The following DENND2B variants were observed in gnomAD, a reference collection of about 807,000 sequenced individuals.
The protein encoded by DENND2B is DENN domain-containing protein 2B.
Under a neutral mutation model 116.0 loss-of-function variants are expected in DENND2B, and 32 were observed. The observed-to-expected ratio is 0.28, with a 90% CI of 0.21 to 0.37. The LOEUF (loss-of-function observed/expected upper bound fraction) is 0.37. Ranked by LOEUF, DENND2B falls within the 10% of genes least tolerant of loss-of-function variation. The probability of loss-of-function intolerance (pLI) is 1.00; values close to 1 mark genes in which losing one functional copy is unlikely to be tolerated. For missense variants in DENND2B, 1,276 were observed against 1,477.7 expected (o/e 0.86, Z 2.24); for synonymous variants, 588 against 583.9 (o/e 1.01, Z -0.10).
upstream of DENND2B, chr11:8,811,359 T>A (rs1311722418): frequency 2.5e-6 from 1 of 398,446 alleles, no homozygotes; most frequent in Non-Finnish European, 4.4e-6. Flanking sequence ...CAAAGACAAC[T>A]CGGTCAGGAC....
In DENND2B at chr11:8,834,106, C is replaced by T. The variant is rs149530279; in HGVS notation, c.-115+5204G>A. 7.2e-4 allele frequency among the ~76,000 whole-genome samples: 109 copies of T among 152,276 alleles called. 2 individuals are homozygous for T. The East Asian group carries it at 0.017, about 24-fold the overall frequency. Reference sequence around the variant, plus strand: ...CAGCTGTGACTGTACTTCTTTGGAACGGGATGACACATGCTGATCCCCAAG... The same window carrying T: ...CAGCTGTGACTGTACTTCTTTGGAATGGGATGACACATGCTGATCCCCAAG... On this transcript the variant is annotated intron_variant, in intron 4 of 6. Transcript: ENST00000524757.
intron 2 of DENND2B, among the ~76,000 whole-genome samples, chr11:8,738,794 G>T (rs2049609493): frequency 6.6e-6 from 1 of 152,144 alleles, no homozygotes; most frequent in African/African-American, 2.4e-5. Flanking sequence ...CCCATGAGCT[G>T]GTCCCTGCCT....
intron 3 of DENND2B, among the ~76,000 whole-genome samples, chr11:8,842,735 T>C (rs192222314): frequency 3.9e-5 from 6 of 152,182 alleles, no homozygotes; most frequent in Non-Finnish European, 7.3e-5. Flanking sequence ...TAAAGTCTTA[T>C]TTCACTTATT....
chr11:8,858,414 T>C (rs1220661491), intron 2 of DENND2B, among the ~76,000 whole-genome samples: 1 of 152,002 alleles, frequency 6.6e-6, no homozygotes, highest in East Asian at 1.9e-4. Context: ...CAGTTTTACA[T>C]AGGATGGGCA....
At chr11:8,836,375 A>T (rs2062425642) in intron 4 of DENND2B, among the ~76,000 whole-genome samples, 2 of 148,856 alleles carry the variant, frequency 1.3e-5, no homozygotes, top group South Asian at 4.3e-4. Flanking sequence ...CCTCATCCTC[A>T]TCACTAACCC....
At chr11:8,708,246 G>A (rs775301559) in intron 11 of DENND2B, 9 of 985,342 alleles carry the variant, frequency 9.1e-6, no homozygotes, top group Admixed American at 6.1e-5. Flanking sequence ...CTTAGGACAA[G>A]CCATTGTAGC....
chr11:8,713,192 G>T (rs1301145142), intron 8 of DENND2B, among the ~76,000 whole-genome samples: 1 of 152,186 alleles, frequency 6.6e-6, no homozygotes, highest in African/African-American at 2.4e-5. Context: ...TTTCCCAGTA[G>T]AGAAAGCACA....
chr11:8,746,655 A>G (rs539153167), intron 2 of DENND2B, among the ~76,000 whole-genome samples: 2 of 152,342 alleles, frequency 1.3e-5, no homozygotes, highest in South Asian at 4.1e-4. Flanking sequence ...AATTGTATCC[A>G]GATTGGCAGA....
At chr11:8,754,533 T>G (rs1371465136) in intron 1 of DENND2B, among the ~76,000 whole-genome samples, 1 of 152,212 alleles carries the variant, frequency 6.6e-6, no homozygotes, top group Non-Finnish European at 1.5e-5. Flanking sequence ...AAAGTTATAC[T>G]CAGAGTTACC....
Position 8,797,393 on chromosome 11 carries a change from C to T in DENND2B, c.-26+13124G>A, listed in dbSNP as rs1334355897. Among the ~76,000 whole-genome samples, 6 of 152,164 alleles carry T rather than the reference C, an allele frequency of 3.9e-5. No homozygotes were observed. In the East Asian group the frequency reaches 1.2e-3, roughly 29 times the overall value. ...TTAGCTAAGCAGGTATGTCTATGCC[C>T]ACTTCAGATCCCTTCTGTTTCCTCA... On this transcript the variant is annotated intron_variant, in intron 1 of 19. Coordinates refer to ENST00000313726, the MANE Select transcript of DENND2B (RefSeq NM_213618.2).
chr11:8,821,142 A>ATTAAT (rs1186078690), intron 4 of DENND2B, among the ~76,000 whole-genome samples: 10 of 150,968 alleles, frequency 6.6e-5, no homozygotes, highest in Non-Finnish European at 1.0e-4. Context: ...AAATTAATTA[A>ATTAAT]TTAATTTAAT....
At chr11:8,897,060 G>A (rs1026258859) in intron 1 of DENND2B, among the ~76,000 whole-genome samples, 4 of 151,900 alleles carry the variant, frequency 2.6e-5, no homozygotes, top group African/African-American at 7.3e-5. Flanking sequence ...CCAACATGGC[G>A]AAGCCCATCT....
chr11:8,736,741 G>C (rs2049117090), intron 2 of DENND2B, among the ~76,000 whole-genome samples: 1 of 152,186 alleles, frequency 6.6e-6, no homozygotes, highest in Non-Finnish European at 1.5e-5. Flanking sequence ...GGCCAGTGTG[G>C]CCAGAGTGGA....
chr11:8,817,574 C>A (rs1421591740), intron 4 of DENND2B, among the ~76,000 whole-genome samples: 1 of 152,162 alleles, frequency 6.6e-6, no homozygotes, highest in African/African-American at 2.4e-5. Flanking sequence ...GTGTGGAATT[C>A]AGTCTATAAT....
chr11:8,699,490 C>A, intron 14 of DENND2B, 100 bp from the exon 15 acceptor site: 1 of 1,238,516 alleles, frequency 8.1e-7, no homozygotes, highest in Non-Finnish European at 1.1e-6. Flanking sequence ...CCTCCCAGTG[C>A]AACAAAAATG....
intron 4 of DENND2B, 77 bp downstream of exon 4, chr11:8,725,996 A>G: frequency 6.2e-7 from 1 of 1,601,712 alleles, no homozygotes; most frequent in South Asian, 1.1e-5. Context: ...AAGGAGGTCA[A>G]TCTAGGTGTC....
Position 8,730,938 on chromosome 11 carries a change from C to T in DENND2B, c.352G>A (p.Val118Ile). Residue 118 changes from valine (V) to isoleucine (I), a missense_variant, in exon 3 of 20, where the codon GTC (valine) becomes ATC (isoleucine). Transcript: ENST00000313726. The surrounding 1 kb of genome is among the most constrained non-coding windows in gnomAD (Gnocchi z 4.1). ...GCTACATCCTGGGCTGCGCCTTGGACACTTTCCTTTTGGGCGTCTCTCTTG... is the reference window on the plus strand; with the variant it reads ...GCTACATCCTGGGCTGCGCCTTGGATACTTTCCTTTTGGGCGTCTCTCTTG... ...ACKRDAQKES[V>I]QGAAQDVAGV... 3 of 1,614,226 alleles carry T rather than the reference C, an allele frequency of 1.9e-6. No homozygotes were observed. The highest frequency in any genetic ancestry group is 8.5e-7 in the Non-Finnish European group (1 of 1,180,044).
In DENND2B at chr11:8,714,614, C is replaced by G. The variant is rs1222502262; in HGVS notation, c.1938G>C (p.Leu646=). 2 of 1,613,882 alleles carry G rather than the reference C, an allele frequency of 1.2e-6. No individual in the cohort carries two copies. Among genetic ancestry groups the G allele is most frequent in the Non-Finnish European group, 1.7e-6 (2 of 1,179,822 alleles). ...AGCTCTGGCACCAAAGCCTACCTCTCAGTGATGCTGTTTCAATGCTGGACA... is the reference window on the plus strand; with the variant it reads ...AGCTCTGGCACCAAAGCCTACCTCTGAGTGATGCTGTTTCAATGCTGGACA... ...LSMSSIETAS[L]RDENSESESD... is the part of the protein sequence containing the mutation. Residue 646 remains leucine, a synonymous_variant, in exon 7 of 20, where the codon CTG becomes CTC. Transcript: ENST00000313726.
At chr11:8,900,258 T>C (rs990629855) in intron 1 of DENND2B, among the ~76,000 whole-genome samples, 2 of 142,314 alleles carry the variant, frequency 1.4e-5, no homozygotes, top group African/African-American at 5.1e-5. Flanking sequence ...ACCCCGTCTC[T>C]ACTAAAAATA....
Sources: allele counts gnomAD v4.1 joint callset (sites outside exome capture counted in the v4.1 genomes callset), GRCh38; gene constraint gnomAD v4.1.1; non-coding constraint Gnocchi (gnomAD v3.1); transcripts MANE v1.5; gene names NCBI Gene and HGNC (gene_info 2026-07-23, HGNC 2026-07-21).